C1QTNF3: variants seen among roughly 807,000 people sequenced by gnomAD.
The protein encoded by C1QTNF3 is C1q and TNF related 3, also known as complement C1q tumor necrosis factor-related protein 3.
C1QTNF3 carries 26 observed loss-of-function variants against 32.6 expected under a neutral mutation model. The ratio of observed to expected loss-of-function variants is 0.80; its 90% CI spans 0.58 to 1.11. C1QTNF3 has a LOEUF of 1.11. Ranked by LOEUF, C1QTNF3 falls within the 50% of genes least tolerant of loss-of-function variation. C1QTNF3 has a pLI of 0.00. For missense variants in C1QTNF3, 362 were observed against 398.2 expected (o/e 0.91, Z 0.77); for synonymous variants, 155 against 146.0 (o/e 1.06, Z -0.44).
the C1QTNF3 span, among the ~76,000 whole-genome samples, chr5:34,176,621 GTC>G: frequency 7.2e-5 from 11 of 152,166 alleles, no homozygotes; most frequent in Non-Finnish European, 1.3e-4. Flanking sequence ...GCTGGCTCAT[GTC>G]TGTCATCCAA....
chr5:34,183,809 T>C, the C1QTNF3 span, among the ~76,000 whole-genome samples: 37 of 151,646 alleles, frequency 2.4e-4, no homozygotes, highest in Middle Eastern at 3.5e-3. Flanking sequence ...TCAGTAATAT[T>C]TCCTAGATAA....
intron 4 of C1QTNF3, among the ~76,000 whole-genome samples, chr5:34,025,301 A>T (rs1754432971): frequency 6.6e-6 from 1 of 152,236 alleles, no homozygotes; most frequent in African/African-American, 2.4e-5. Flanking sequence ...TGCCTCAAGA[A>T]GATAAAGCTG....
chr5:34,110,611 T>C, the C1QTNF3 span, among the ~76,000 whole-genome samples: 4 of 152,132 alleles, frequency 2.6e-5, no homozygotes, highest in Non-Finnish European at 4.4e-5. Flanking sequence ...CAGTCACTGC[T>C]CAGAGCAATA....
chr5:34,230,458 C>T, the C1QTNF3 span, among the ~76,000 whole-genome samples: 1 of 152,098 alleles, frequency 6.6e-6, no homozygotes, highest in Admixed American at 6.6e-5. Flanking sequence ...CAGGGTCCAT[C>T]TTAGTCATGA....
chr5:34,044,035 C>T (rs1754938236), upstream of C1QTNF3, among the ~76,000 whole-genome samples: 1 of 152,082 alleles, frequency 6.6e-6, no homozygotes, highest in East Asian at 1.9e-4. Context: ...CCCAGAAATT[C>T]GAGGCCAGCC....
At chr5:34,129,085 G>C in the C1QTNF3 span, among the ~76,000 whole-genome samples, 1 of 151,918 alleles carries the variant, frequency 6.6e-6, no homozygotes, top group African/African-American at 2.4e-5. Context: ...GATAGTGAGT[G>C]AGTTCTCATA....
the C1QTNF3 span, among the ~76,000 whole-genome samples, chr5:34,214,645 T>C: frequency 1.3e-5 from 2 of 152,246 alleles, no homozygotes; most frequent in East Asian, 3.9e-4. Context: ...TTTATCTCTT[T>C]ATAGCAAAAA....
intron 1 of C1QTNF3, among the ~76,000 whole-genome samples, chr5:34,037,796 T>C (rs1754777298): frequency 6.6e-6 from 1 of 152,216 alleles, no homozygotes; most frequent in Non-Finnish European, 1.5e-5. Flanking sequence ...TTCAGGACAC[T>C]TGGAAAGTCA....
the C1QTNF3 span, among the ~76,000 whole-genome samples, chr5:34,078,421 A>G: frequency 8.6e-4 from 130 of 152,012 alleles, no homozygotes; most frequent in African/African-American, 3.0e-3. This position sits in a 1 kb window ranked among gnomAD's most constrained non-coding sequence, Gnocchi z 4.0. Context: ...ACTTACAATC[A>G]TGGCGGAAGG....
chr5:34,029,967 T>C (rs1480578639), intron 3 of C1QTNF3, among the ~76,000 whole-genome samples: 2 of 152,198 alleles, frequency 1.3e-5, no homozygotes, highest in Admixed American at 6.5e-5. Context: ...TCTCTTGGCA[T>C]GTTTTATTAT....
At chr5:34,197,434 C>T in the C1QTNF3 span, among the ~76,000 whole-genome samples, 6 of 152,104 alleles carry the variant, frequency 3.9e-5, 1 homozygote, top group South Asian at 4.2e-4. Flanking sequence ...AAATGGAAAG[C>T]AAATAATTAG....
At chr5:34,211,596 G>T in the C1QTNF3 span, among the ~76,000 whole-genome samples, 1 of 131,606 alleles carries the variant, frequency 7.6e-6, no homozygotes, top group South Asian at 2.3e-4. Flanking sequence ...CTGTGTCCAC[G>T]TGTTCTCATT....
At chr5:34,025,442 T>A (rs948407046) in intron 4 of C1QTNF3, among the ~76,000 whole-genome samples, 2 of 151,996 alleles carry the variant, frequency 1.3e-5, no homozygotes, top group Non-Finnish European at 2.9e-5. Flanking sequence ...ATGCCTGGAG[T>A]TGGAAATACC....
the C1QTNF3 span, among the ~76,000 whole-genome samples, chr5:34,056,637 C>T: frequency 3.3e-5 from 5 of 151,406 alleles, no homozygotes; most frequent in African/African-American, 7.3e-5. Flanking sequence ...CTCAGCTTCC[C>T]GAGCAGCTGA....
chr5:34,057,263 A>G, the C1QTNF3 span, among the ~76,000 whole-genome samples: 2 of 152,192 alleles, frequency 1.3e-5, no homozygotes, highest in East Asian at 3.9e-4. Context: ...TTGGAACCCT[A>G]GAATCACTGG....
At chr5:34,035,807 ATTAGGATTTTT>A (rs754272082) in intron 1 of C1QTNF3, 49 bp from the exon 2 acceptor site, 19 of 1,432,920 alleles carry the variant, frequency 1.3e-5, no homozygotes, top group Non-Finnish European at 1.8e-5. Flanking sequence ...CTTGTGAGCA[ATTAGGATTTTT>A]AAATTTCCAC....
the C1QTNF3 span, among the ~76,000 whole-genome samples, chr5:34,185,460 C>T: frequency 1.3e-5 from 2 of 152,380 alleles, no homozygotes; most frequent in East Asian, 3.9e-4. Context: ...ACAGCACTCA[C>T]GCCTGAATGG....
At chr5:34,075,201 A>C in the C1QTNF3 span, among the ~76,000 whole-genome samples, 9 of 151,762 alleles carry the variant, frequency 5.9e-5, no homozygotes, top group Non-Finnish European at 1.2e-4. Context: ...ATATGCATGG[A>C]TGAAAAAATA....
At chr5:34,174,635 T>A in the C1QTNF3 span, among the ~76,000 whole-genome samples, 3 of 152,162 alleles carry the variant, frequency 2.0e-5, no homozygotes, top group African/African-American at 7.2e-5. Flanking sequence ...CAAACTGCCA[T>A]CCTGAGTTTA....
Sources: allele counts gnomAD v4.1 joint callset (sites outside exome capture counted in the v4.1 genomes callset), GRCh38; gene constraint gnomAD v4.1.1; non-coding constraint Gnocchi (gnomAD v3.1); transcripts MANE v1.5; gene names NCBI Gene and HGNC (gene_info 2026-07-23, HGNC 2026-07-21).